Variants in DIPK1A observed in about 807,000 individuals in gnomAD.
The protein encoded by DIPK1A is divergent protein kinase domain 1A.
In DIPK1A, 27 loss-of-function variants were observed where a neutral mutation model predicts 40.8. That is an observed-to-expected ratio of 0.66 (90% confidence interval 0.49 to 0.91). The LOEUF (loss-of-function observed/expected upper bound fraction) is 0.91, where lower values mean the gene tolerates loss of function less well. Among genes scored for constraint, DIPK1A ranks in the 40% least tolerant of loss-of-function variants. The pLI, the probability that DIPK1A is intolerant of heterozygous loss-of-function variation, is 0.00. For missense variants in DIPK1A, 412 were observed against 505.7 expected (o/e 0.81, Z 1.78); for synonymous variants, 166 against 171.3 (o/e 0.97, Z 0.24).
intron 1 of DIPK1A, among the ~76,000 whole-genome samples, chr1:92,954,845 A>G (rs1318190817): frequency 6.6e-6 from 1 of 152,242 alleles, no homozygotes; most frequent in Non-Finnish European, 1.5e-5. Flanking sequence ...TAATCCATCA[A>G]GATGAAAAAC....
At chr1:92,960,793 G>A (rs548061648) in intron 1 of DIPK1A, among the ~76,000 whole-genome samples, 113 of 152,310 alleles carry the variant, frequency 7.4e-4, no homozygotes, top group Non-Finnish European at 1.2e-3. Flanking sequence ...TGGGTGTGAT[G>A]GAACGACCCA....
intron 2 of DIPK1A, among the ~76,000 whole-genome samples, chr1:92,852,038 C>G (rs1687841649): frequency 6.6e-6 from 1 of 152,348 alleles, no homozygotes. Flanking sequence ...AGCAGCTTCA[C>G]TACCAGCTCA....
chr1:92,881,511 A>C (rs1181730535), intron 1 of DIPK1A, among the ~76,000 whole-genome samples: 1 of 152,210 alleles, frequency 6.6e-6, no homozygotes, highest in Non-Finnish European at 1.5e-5. Flanking sequence ...CTCTAGAAAT[A>C]AAGTTTCAAT....
intron 4 of DIPK1A, chr1:92,834,689 C>T: frequency 1.3e-6 from 2 of 1,533,822 alleles, no homozygotes; most frequent in South Asian, 2.3e-5. Context: ...CTGTGTCCAT[C>T]AATGTTTTTT....
At chr1:92,922,471 T>A (rs1009222476) in intron 1 of DIPK1A, among the ~76,000 whole-genome samples, 1 of 152,022 alleles carries the variant, frequency 6.6e-6, no homozygotes, top group African/African-American at 2.4e-5. Flanking sequence ...GGAGAATAAC[T>A]CATGAGGGAA....
intron 1 of DIPK1A, among the ~76,000 whole-genome samples, chr1:92,914,265 C>T (rs1223882866): frequency 1.3e-5 from 2 of 151,684 alleles, no homozygotes; most frequent in Non-Finnish European, 2.9e-5. Context: ...AAAAATGTAA[C>T]AGTGGGGAAA....
intron 4 of DIPK1A, chr1:92,834,966 GTT>G: frequency 6.3e-7 from 1 of 1,598,452 alleles, no homozygotes. Flanking sequence ...TGCTTGGAGA[GTT>G]TTCTGCAAGA....
chr1:92,889,908 C>T (rs1648780731), intron 1 of DIPK1A, among the ~76,000 whole-genome samples: 1 of 152,162 alleles, frequency 6.6e-6, no homozygotes, highest in Non-Finnish European at 1.5e-5. Context: ...CCTTGGCCTC[C>T]CAAAGTGCTG....
chr1:92,842,181 A>G lies in DIPK1A; in HGVS notation c.*1202T>C. On this transcript the variant is annotated 3_prime_UTR_variant, in exon 5 of 5. Coordinates refer to ENST00000370310, the MANE Select transcript of DIPK1A (RefSeq NM_001006605.5). The stretch of plus-strand genomic sequence containing the variant: ...TCAGTGGGAAATATTTCTTCCATCC[A>G]TTTATTATAACCAGATGATGAATGG... 2 of 1,027,852 alleles carry G rather than the reference A, an allele frequency of 1.9e-6. No homozygotes were observed. Among genetic ancestry groups the G allele is most frequent in the Non-Finnish European group, 2.3e-6 (2 of 855,904 alleles). 63.7% of individuals were successfully genotyped at this position (1,027,852 alleles called of 1,614,324 possible).
In DIPK1A at chr1:92,861,321, CTTTTTTTT is replaced by C. The variant is rs71230876; in HGVS notation, c.190-10374_190-10367del. On this transcript the variant is annotated intron_variant, in intron 2 of 4. Transcript: ENST00000370310. ...AATAGCTTTTCTATTCTCTCTCTCT[CTTTTTTTT>C]TTTTTTTTTTTTTTTGAGACAGGGT... Among the ~76,000 whole-genome samples the C allele has an allele frequency of 3.4e-4, 28 of 83,540 alleles. No homozygotes were observed. In the South Asian group the frequency reaches 0.012, roughly 35 times the overall value. The allele number at this position is 83,540 out of a possible 152,430, so 54.8% of individuals were successfully genotyped here.
chr1:92,869,739 T>TTA (rs35230723), intron 2 of DIPK1A, among the ~76,000 whole-genome samples: 31,632 of 151,734 alleles, frequency 0.21, 3,762 homozygotes, highest in Non-Finnish European at 0.27. Flanking sequence ...TTATGCAGTT[T>TTA]TATATATATA....
chr1:92,863,929 T>C (rs535660031), intron 2 of DIPK1A, among the ~76,000 whole-genome samples: 6 of 152,226 alleles, frequency 3.9e-5, no homozygotes, highest in Middle Eastern at 3.4e-3. Context: ...TGGTGGCCCA[T>C]GCCTGTAATC....
chr1:92,860,479 G>A (rs1398187421), intron 2 of DIPK1A, among the ~76,000 whole-genome samples: 1 of 151,906 alleles, frequency 6.6e-6, no homozygotes, highest in Non-Finnish European at 1.5e-5. Context: ...CATGCAAGTT[G>A]ATAGAGCACT....
chr1:92,922,027 AG>A (rs1470327085), intron 1 of DIPK1A, among the ~76,000 whole-genome samples: 2 of 152,168 alleles, frequency 1.3e-5, no homozygotes, highest in Non-Finnish European at 2.9e-5. Context: ...AAATCTAAAA[AG>A]GTTAGTATTT....
chr1:92,938,298 A>C (rs1651023026), intron 1 of DIPK1A, among the ~76,000 whole-genome samples: 1 of 152,116 alleles, frequency 6.6e-6, no homozygotes, highest in South Asian at 2.1e-4. Context: ...TGGGAGGCTG[A>C]GCCAGGAGAA....
intron 2 of DIPK1A, among the ~76,000 whole-genome samples, chr1:92,860,829 C>T (rs1431715915): frequency 6.6e-6 from 1 of 151,768 alleles, no homozygotes; most frequent in African/African-American, 2.4e-5. Context: ...AATAAGTTTA[C>T]AGGCAGATTA....
rs528591435 is a variant in DIPK1A, at chr1:92,844,902, CTTTGT to C, written c.475-712_475-708del. On this transcript the variant is annotated intron_variant, in intron 4 of 4. Transcript: ENST00000370310. ...ATGAAAATAAAACTTTTTTCTAAAA[CTTTGT>C]TTTATTTCTATTTAATCTATATATT... 4.1e-4 allele frequency among the ~76,000 whole-genome samples: 60 copies of C among 146,658 alleles called. 1 individual carries two copies. The highest frequency in any genetic ancestry group is 1.4e-3 in the East Asian group (7 of 4,922).
At chr1:92,928,983 AGAAAAAAT>A (rs1336626652) in intron 1 of DIPK1A, among the ~76,000 whole-genome samples, 4 of 149,838 alleles carry the variant, frequency 2.7e-5, no homozygotes, top group Non-Finnish European at 6.0e-5. Flanking sequence ...AAAGAAAAAA[AGAAAAAAT>A]TTCTCTTTCT....
chr1:92,922,927 T>C (rs1173662885), intron 1 of DIPK1A, among the ~76,000 whole-genome samples: 1 of 142,650 alleles, frequency 7.0e-6, no homozygotes, highest in Non-Finnish European at 1.5e-5. Flanking sequence ...TTTCATCTCC[T>C]TTTTTTTTTT....
Sources: allele counts gnomAD v4.1 joint callset (sites outside exome capture counted in the v4.1 genomes callset), GRCh38; gene constraint gnomAD v4.1.1; transcripts MANE v1.5; gene names NCBI Gene and HGNC (gene_info 2026-07-23, HGNC 2026-07-21).